The following LIPK variants were observed in gnomAD, a reference collection of about 807,000 sequenced individuals.
LIPK encodes lipase member K.
In LIPK, 32 loss-of-function variants were observed where a neutral mutation model predicts 48.6. The observed-to-expected ratio is 0.66, with a 90% CI of 0.50 to 0.88. The LOEUF is 0.88. LIPK is among the 40% of genes least tolerant of loss of function. The pLI is 0.00. For synonymous variants in LIPK, 164 were observed against 157.4 expected (o/e 1.04, Z -0.32); for missense variants, 507 against 478.5 (o/e 1.06, Z -0.56).
At position 88,732,280 on chromosome 10, in the gene LIPK, C is replaced by A. The variant is rs1469040555; in HGVS notation, c.525C>A (p.Thr175=). 9 of 1,612,940 alleles carry A rather than the reference C, an allele frequency of 5.6e-6. No homozygotes were observed. The highest frequency in any genetic ancestry group is 7.6e-6 in the Non-Finnish European group (9 of 1,179,422). ...RLYYVGHSQG[T]TIAFIAFSTN... ...ACTACGTGGGCCACTCACAAGGCAC[C>A]ACCATAGGTGTGTTTGGGGCAGATG... is the stretch of plus-strand genomic sequence containing the variant. The change falls in exon 5 of 10, where the codon ACC becomes ACA. Residue 175 remains threonine, a synonymous_variant. Transcript: ENST00000404190.
At chr10:88,724,726 C>A (rs776311848) in intron 2 of LIPK, 78 bp downstream of exon 2, 30 of 1,008,986 alleles carry the variant, frequency 3.0e-5, no homozygotes, top group Admixed American at 5.9e-5. Context: ...ACTGGTGTGC[C>A]TTCTTAGTTT....
At chr10:88,737,558 C>T in intron 6 of LIPK, 77 bp from the exon 7 acceptor site, 1 of 1,481,476 alleles carries the variant, frequency 6.8e-7, no homozygotes, top group East Asian at 2.3e-5. Context: ...CTGTGCAGTC[C>T]TTCTTTGAAC....
At chr10:88,726,694 A>C in intron 2 of LIPK, 101 bp from the exon 3 acceptor site, 1 of 668,340 alleles carries the variant, frequency 1.5e-6, no homozygotes, top group East Asian at 2.9e-5. Context: ...ACCCGTCTCA[A>C]ACAAACAAAC....
chr10:88,740,303 A>G (rs1258061140), intron 8 of LIPK, among the ~76,000 whole-genome samples: 10 of 152,200 alleles, frequency 6.6e-5, no homozygotes, highest in Admixed American at 6.5e-4. Flanking sequence ...TGATCCTTAG[A>G]TGATTCCAAA....
intron 9 of LIPK, 127 bp downstream of exon 9, chr10:88,743,448 C>T: frequency 1.6e-6 from 1 of 633,166 alleles, no homozygotes; most frequent in Non-Finnish European, 2.8e-6. Context: ...TTCTCACAGG[C>T]TGCTTATTGG....
intron 9 of LIPK, among the ~76,000 whole-genome samples, chr10:88,752,134 T>C (rs902966975): frequency 6.6e-6 from 1 of 152,170 alleles, no homozygotes; most frequent in African/African-American, 2.4e-5. Flanking sequence ...ATAATGCCAC[T>C]GAGCCCAGAT....
intron 2 of LIPK, 99 bp from the exon 3 acceptor site, chr10:88,726,696 C>G: frequency 1.4e-6 from 1 of 705,254 alleles, no homozygotes; most frequent in Non-Finnish European, 2.4e-6. Context: ...CCGTCTCAAA[C>G]AAACAAACAA....
At chr10:88,737,577 T>A (rs1842597641) in intron 6 of LIPK, 58 bp from the exon 7 acceptor site, 3 of 1,573,586 alleles carry the variant, frequency 1.9e-6, no homozygotes, top group Non-Finnish European at 2.6e-6. Flanking sequence ...ACTATCTCTT[T>A]CTCCACTTTT....
intron 2 of LIPK, 87 bp from the exon 3 acceptor site, chr10:88,726,708 C>G (rs192860802): frequency 4.8e-5 from 35 of 733,340 alleles, no homozygotes; most frequent in Non-Finnish European, 7.0e-5. Flanking sequence ...AACAAACAAA[C>G]AGACAAATAA....
intron 8 of LIPK, among the ~76,000 whole-genome samples, chr10:88,741,261 G>A (rs901763973): frequency 2.0e-5 from 3 of 152,068 alleles, no homozygotes; most frequent in Non-Finnish European, 4.4e-5. Flanking sequence ...GTACAATCAC[G>A]TTACCCAGGC....
intron 1 of LIPK, among the ~76,000 whole-genome samples, chr10:88,707,996 G>T (rs184246400): frequency 5.9e-5 from 9 of 152,180 alleles, no homozygotes; most frequent in African/African-American, 2.2e-4. Flanking sequence ...TGGGTTTTTA[G>T]ATTTAAAATG....
At chr10:88,745,775 A>G (rs1049848742) in intron 9 of LIPK, among the ~76,000 whole-genome samples, 2 of 152,232 alleles carry the variant, frequency 1.3e-5, no homozygotes, top group South Asian at 2.1e-4. Context: ...ATCTACACAT[A>G]TTGATATTAA....
chr10:88,731,154 C>G lies in LIPK; in HGVS notation c.395C>G (p.Pro132Arg). Reference sequence around the variant, plus strand: ...TCCAGAAAACACCTTAAATTGTCACCGAAATCACCGGAATACTGGGCCTTC... The same window carrying G: ...TCCAGAAAACACCTTAAATTGTCACGGAAATCACCGGAATACTGGGCCTTC... The part of the protein sequence containing the change: ...TWSRKHLKLS[P>R]KSPEYWAFSL... The change falls in exon 4 of 10, where the codon CCG becomes CGG. Residue 132 changes from proline to arginine, a missense_variant. Transcript: ENST00000404190. 6.3e-7 allele frequency: 1 copy of G among 1,582,652 alleles called. No individual in the cohort carries two copies. The highest frequency in any genetic ancestry group is 1.2e-5 in the South Asian group (1 of 84,726).
At chr10:88,711,294 C>T (rs890288760) in intron 1 of LIPK, among the ~76,000 whole-genome samples, 3 of 151,624 alleles carry the variant, frequency 2.0e-5, no homozygotes, top group African/African-American at 7.3e-5. Context: ...TGATGTTTTG[C>T]TATATATATA....
intron 4 of LIPK, 51 bp downstream of exon 4, chr10:88,731,232 G>A: frequency 1.5e-6 from 2 of 1,354,640 alleles, no homozygotes; most frequent in Non-Finnish European, 1.9e-6. Flanking sequence ...TCATGCATAT[G>A]TATGAACACC....
intron 1 of LIPK, among the ~76,000 whole-genome samples, chr10:88,707,970 CT>C (rs1564970336): frequency 6.6e-6 from 1 of 152,082 alleles, no homozygotes; most frequent in Admixed American, 6.6e-5. Context: ...GATCCTAAAT[CT>C]CTGTAAACAC....
intron 3 of LIPK, chr10:88,728,683 C>A: frequency 2.2e-6 from 1 of 460,958 alleles, no homozygotes; most frequent in South Asian, 1.6e-5. Context: ...GAGTCTGGGA[C>A]GCAGAGCAGG....
At chr10:88,752,089 T>C (rs1312751069) in intron 9 of LIPK, among the ~76,000 whole-genome samples, 1 of 152,210 alleles carries the variant, frequency 6.6e-6, no homozygotes, top group Non-Finnish European at 1.5e-5. Flanking sequence ...TTGGTCTCAA[T>C]GCTCCCTGAA....
At chr10:88,711,156 T>C (rs980761321) in intron 1 of LIPK, among the ~76,000 whole-genome samples, 4 of 152,178 alleles carry the variant, frequency 2.6e-5, no homozygotes, top group African/African-American at 9.7e-5. Context: ...ATTTTTTTGT[T>C]GTTATTTATT....
Sources: gnomAD v4.1 joint callset for allele counts (sites outside exome capture counted in the v4.1 genomes callset) on GRCh38, gnomAD v4.1.1 for gene constraint, MANE v1.5 for transcripts, NCBI Gene and HGNC (gene_info 2026-07-23, HGNC 2026-07-21) for gene names.